The following PRH1 variants were observed in gnomAD, a reference collection of about 807,000 sequenced individuals.
The protein encoded by PRH1 is salivary acidic proline-rich phosphoprotein 1/2.
A neutral mutation model predicts 7.9 loss-of-function variants in PRH1; 7 were observed. The ratio of observed to expected loss-of-function variants is 0.89; its 90% CI spans 0.50 to 1.67. The LOEUF is 1.67. Among genes scored for constraint, PRH1 ranks in the 40% most tolerant of loss-of-function variants. PRH1 has a pLI of 0.00. For missense variants in PRH1, 109 were observed against 223.6 expected (o/e 0.49, Z 3.27); for synonymous variants, 45 against 80.8 (o/e 0.56, Z 2.38).
intron 1 of PRH1, among the ~76,000 whole-genome samples, chr12:10,987,298 C>T (rs1181938382): frequency 6.6e-6 from 1 of 152,220 alleles, no homozygotes; most frequent in African/African-American, 2.4e-5. Flanking sequence ...CCGAGTCCAT[C>T]GTTCATACAG....
chr12:11,069,147 T>C (rs111951497), intron 1 of PRH1, among the ~76,000 whole-genome samples: 62,145 of 128,770 alleles, frequency 0.48, 13,828 homozygotes, highest in Non-Finnish European at 0.56. Context: ...CCAATAATTG[T>C]GCTCAAGAAA....
rs527480081 is a variant in PRH1, at chr12:11,045,102, A to G, written c.-126+1918T>C. Among the ~76,000 whole-genome samples, 7 of 152,322 alleles carry G rather than the reference A, an allele frequency of 4.6e-5. No individual in the cohort carries two copies. In the East Asian group the frequency reaches 1.3e-3, roughly 29 times the overall value. Reference sequence around the variant, plus strand: ...TAGATAAAGATAATATGGTACATATACACAATGGAGTACAATTGAGCCATT... The same window carrying G: ...TAGATAAAGATAATATGGTACATATGCACAATGGAGTACAATTGAGCCATT... On this transcript the variant is annotated intron_variant, in intron 1 of 3. Coordinates refer to the PRH1 transcript ENST00000539853.
chr12:10,938,235 T>C (rs1025986358), intron 2 of PRH1: 6 of 1,479,218 alleles, frequency 4.1e-6, no homozygotes, highest in Non-Finnish European at 5.5e-6. Flanking sequence ...TCTTAGGAGC[T>C]ATTTTTTTTC....
chr12:10,986,534 C>T, intron 1 of PRH1: 1 of 1,614,060 alleles, frequency 6.2e-7, no homozygotes, highest in Non-Finnish European at 8.5e-7. Context: ...AATTGGCAAT[C>T]TTGAGCAAAT....
intron 1 of PRH1, among the ~76,000 whole-genome samples, chr12:11,040,130 A>G (rs1484451654): frequency 6.6e-6 from 1 of 152,188 alleles, no homozygotes; most frequent in East Asian, 1.9e-4. Flanking sequence ...AAGAGTCTAG[A>G]GTTCTTTGTA....
At chr12:11,169,677 T>A (rs1947754482) in intron 1 of PRH1, among the ~76,000 whole-genome samples, 1 of 152,328 alleles carries the variant, frequency 6.6e-6, no homozygotes, top group Middle Eastern at 3.4e-3. Flanking sequence ...TATTAGTCTT[T>A]CAGTTTTCAA....
At chr12:10,930,972 T>A (rs1458445949) in intron 2 of PRH1, 1 of 1,597,536 alleles carries the variant, frequency 6.3e-7, no homozygotes, top group Non-Finnish European at 8.5e-7. Flanking sequence ...ATCAGCAAGG[T>A]CCTCCCCCAC....
chr12:10,914,272 A>G (rs981239783), intron 2 of PRH1, among the ~76,000 whole-genome samples: 1 of 152,236 alleles, frequency 6.6e-6, no homozygotes, highest in Non-Finnish European at 1.5e-5. Context: ...ATAATTGCCT[A>G]CTGTCTAGCT....
At chr12:11,168,408 G>GGA (rs1193866901) in intron 1 of PRH1, among the ~76,000 whole-genome samples, 2 of 80,166 alleles carry the variant, frequency 2.5e-5, no homozygotes, top group East Asian at 5.0e-4. Context: ...AAGAAAGAAA[G>GGA]AAAGAAAGAA....
chr12:11,088,191 A>G (rs1944771930), intron 1 of PRH1, among the ~76,000 whole-genome samples: 1 of 129,728 alleles, frequency 7.7e-6, no homozygotes, highest in African/African-American at 2.7e-5. Flanking sequence ...AAATACAAAA[A>G]TTAGCCAGGC....
At chr12:11,023,365 C>A (rs1941754430) in intron 1 of PRH1, among the ~76,000 whole-genome samples, 1 of 152,132 alleles carries the variant, frequency 6.6e-6, no homozygotes, top group South Asian at 2.1e-4. Flanking sequence ...GGCTGTCAGA[C>A]AATGAATAAT....
chr12:10,929,587 A>G (rs992437149), intron 2 of PRH1, among the ~76,000 whole-genome samples: 5 of 152,126 alleles, frequency 3.3e-5, no homozygotes, highest in Non-Finnish European at 5.9e-5. Flanking sequence ...GCATTTATAG[A>G]GACATGGGAC....
At chr12:11,022,585 A>C (rs1941716033) in intron 1 of PRH1, 1 of 1,576,730 alleles carries the variant, frequency 6.3e-7, no homozygotes, top group African/African-American at 1.4e-5. Context: ...TGAACAGATA[A>C]AAAAATGCAG....
intron 2 of PRH1, among the ~76,000 whole-genome samples, chr12:10,963,140 C>A (rs1287092426): frequency 6.6e-6 from 1 of 151,526 alleles, no homozygotes; most frequent in Non-Finnish European, 1.5e-5. Flanking sequence ...ATAACTAAAT[C>A]AAATGATTTA....
intron 1 of PRH1, among the ~76,000 whole-genome samples, chr12:11,154,382 A>T (rs577872112): frequency 6.6e-6 from 1 of 152,346 alleles, no homozygotes; most frequent in Admixed American, 6.5e-5. Context: ...TATATAAATG[A>T]CAGCCATATA....
chr12:11,037,975 G>T (rs1231200760), intron 1 of PRH1, among the ~76,000 whole-genome samples: 1 of 152,240 alleles, frequency 6.6e-6, no homozygotes, highest in South Asian at 2.1e-4. Context: ...CCAGGTGGCG[G>T]AGGTTGCATT....
At chr12:10,939,091 T>C in intron 2 of PRH1, 2 of 1,614,032 alleles carry the variant, frequency 1.2e-6, no homozygotes, top group Non-Finnish European at 1.7e-6. Flanking sequence ...AAGAGATCTT[T>C]CTTCCCTTGA....
intron 1 of PRH1, among the ~76,000 whole-genome samples, chr12:11,042,406 C>T (rs979338713): frequency 2.7e-5 from 4 of 146,940 alleles, no homozygotes; most frequent in Admixed American, 2.1e-4. Flanking sequence ...CTACAAAGAT[C>T]GAACCATAAA....
At chr12:10,990,418 T>A (rs901914730) in intron 1 of PRH1, among the ~76,000 whole-genome samples, 4 of 152,178 alleles carry the variant, frequency 2.6e-5, no homozygotes, top group African/African-American at 9.7e-5. Flanking sequence ...AAGTACGAAG[T>A]CCCTGAGGCA....
Sources: allele counts gnomAD v4.1 joint callset (sites outside exome capture counted in the v4.1 genomes callset), GRCh38; gene constraint gnomAD v4.1.1; transcripts MANE v1.5; gene names NCBI Gene and HGNC (gene_info 2026-07-23, HGNC 2026-07-21).